SLC38A9: variants seen among roughly 807,000 people sequenced by gnomAD.
SLC38A9 encodes the protein neutral amino acid transporter 9.
A neutral mutation model predicts 62.3 loss-of-function variants in SLC38A9; 48 were observed. The ratio of observed to expected loss-of-function variants is 0.77; its 90% CI spans 0.61 to 0.98. The LOEUF (loss-of-function observed/expected upper bound fraction) is 0.98, where lower values mean the gene tolerates loss of function less well. Ranked by LOEUF, SLC38A9 falls within the 50% of genes least tolerant of loss-of-function variation. The pLI, the probability that SLC38A9 is intolerant of heterozygous loss-of-function variation, is 0.00. For synonymous variants in SLC38A9, 204 were observed against 227.7 expected (o/e 0.90, Z 0.94); for missense variants, 541 against 679.8 (o/e 0.80, Z 2.27).
intron 3 of SLC38A9, 82 bp downstream of exon 3, chr5:55,697,764 C>A: frequency 1.6e-6 from 1 of 629,066 alleles, no homozygotes; most frequent in East Asian, 3.2e-5. Context: ...ATAATCAAAT[C>A]TATACATGTT....
rs765360292 is a variant in SLC38A9, at chr5:55,626,488, G to A, written c.*6C>T. 2 of 1,606,556 alleles carry A rather than the reference G, an allele frequency of 1.2e-6. No homozygotes were observed. Among genetic ancestry groups the A allele is most frequent in the Non-Finnish European group, 1.7e-6 (2 of 1,176,220 alleles). On this transcript the variant is annotated 3_prime_UTR_variant, in exon 16 of 16. Coordinates refer to ENST00000396865, the MANE Select transcript of SLC38A9 (RefSeq NM_173514.4). ...GAGAGCTCTTGAAAAAAACAGTTGA[G>A]GTATTTCACATAAAAAACTGAACAA...
At chr5:55,698,454 T>C (rs1410919022) in intron 2 of SLC38A9, among the ~76,000 whole-genome samples, 2 of 152,148 alleles carry the variant, frequency 1.3e-5, no homozygotes, top group African/African-American at 4.8e-5. Flanking sequence ...TGTGTAGTAT[T>C]TGGGAAACAG....
chr5:55,672,678 G>C lies in SLC38A9; in HGVS notation c.131C>G (p.Pro44Arg), dbSNP rs1751511006. The change falls in exon 4 of 16, where the codon CCC becomes CGC. Residue 44 changes from proline to arginine, a missense_variant. Pro to Arg is a moderately radical substitution (Grantham distance 103). Coordinates refer to ENST00000396865, the MANE Select transcript of SLC38A9 (RefSeq NM_173514.4). ...LRSKRPFCIE[P>R]TNIVNVNHVI... is the part of the protein sequence containing the mutation. ...ATGATTCACATTCACGATGTTTGTG[G>C]GCTCTATACAGAAAGGCCTACAAAG... 1 of 1,613,876 alleles carries C rather than the reference G, an allele frequency of 6.2e-7. No individual in the cohort carries two copies. The highest frequency in any genetic ancestry group is 1.3e-5 in the African/African-American group (1 of 75,014).
intron 2 of SLC38A9, among the ~76,000 whole-genome samples, chr5:55,710,508 C>T (rs1052109000): frequency 3.3e-5 from 5 of 152,314 alleles, no homozygotes; most frequent in Non-Finnish European, 5.9e-5. Flanking sequence ...CGCAATCCGC[C>T]GAACCTTCTA....
chr5:55,653,279 C>G (rs895033689), intron 9 of SLC38A9, among the ~76,000 whole-genome samples: 4 of 152,126 alleles, frequency 2.6e-5, no homozygotes, highest in African/African-American at 9.7e-5. Context: ...GAGATATTAT[C>G]TTTAAACTCT....
At chr5:55,671,474 T>C (rs920095541) in intron 4 of SLC38A9, among the ~76,000 whole-genome samples, 5 of 151,562 alleles carry the variant, frequency 3.3e-5, no homozygotes, top group African/African-American at 1.2e-4. Context: ...ACTACTATAT[T>C]TATGTGTACA....
chr5:55,707,121 A>G (rs1757392837), intron 2 of SLC38A9, among the ~76,000 whole-genome samples: 1 of 151,762 alleles, frequency 6.6e-6, no homozygotes, highest in African/African-American at 2.4e-5. Flanking sequence ...GGCCTCAAGT[A>G]ATCTTCTTGC....
chr5:55,687,139 T>A (rs1364235166), intron 3 of SLC38A9, among the ~76,000 whole-genome samples: 1 of 151,522 alleles, frequency 6.6e-6, no homozygotes, highest in Non-Finnish European at 1.5e-5. Flanking sequence ...TCCATATGTA[T>A]TTTTAAAAGT....
chr5:55,648,045 G>C (rs1389581389), intron 11 of SLC38A9, among the ~76,000 whole-genome samples: 1 of 152,056 alleles, frequency 6.6e-6, no homozygotes, highest in Non-Finnish European at 1.5e-5. Context: ...TTTGAGACCA[G>C]CCTGGCCAAC....
At position 55,652,525 on chromosome 5, in the gene SLC38A9, T is replaced by C. The variant is rs774765112; in HGVS notation, c.952+4A>G. 1 of 1,580,654 alleles carries C rather than the reference T, an allele frequency of 6.3e-7. No individual in the cohort carries two copies. On this transcript the variant is annotated splice_donor_region_variant and intron_variant, in intron 10 of 15. Transcript: ENST00000396865. Reference sequence around the variant, plus strand: ...AGTCTCCATAATTCAGTGCTACTACTTACCTAGGATATTAAATTTTGAAAA... The same window carrying C: ...AGTCTCCATAATTCAGTGCTACTACCTACCTAGGATATTAAATTTTGAAAA...
At chr5:55,660,269 G>T (rs1749285023) in intron 8 of SLC38A9, among the ~76,000 whole-genome samples, 1 of 151,830 alleles carries the variant, frequency 6.6e-6, no homozygotes, top group South Asian at 2.1e-4. Context: ...AATTAGCCGG[G>T]CATGGTGGTG....
At position 55,649,260 on chromosome 5, in the gene SLC38A9, A is replaced by G. The variant is rs779101583; in HGVS notation, c.1007T>C (p.Leu336Ser). ...IFLVTFKAVRLGFHLEFHWFI... is the reference protein window; with the variant it reads ...IFLVTFKAVRSGFHLEFHWFI... ...CCAATGAAATTCCAAATGAAATCCC[A>G]AGCGAACAGCCTTAAAGGTGACAAG... The change falls in exon 11 of 16, where the codon TTG becomes TCG. Residue 336 changes from leucine (L) to serine (S), a missense_variant. Coordinates refer to ENST00000396865, the MANE Select transcript of SLC38A9 (RefSeq NM_173514.4). 8.7e-6 allele frequency: 14 copies of G among 1,609,932 alleles called. No individual in the cohort carries two copies. The highest frequency in any genetic ancestry group is 1.1e-5 in the Non-Finnish European group (13 of 1,178,438).
chr5:55,683,293 G>A (rs1753296467), intron 3 of SLC38A9, among the ~76,000 whole-genome samples: 1 of 152,164 alleles, frequency 6.6e-6, no homozygotes, highest in Admixed American at 6.5e-5. Flanking sequence ...CACGATCATA[G>A]TGCACTGTGG....
chr5:55,675,138 A>G (rs1751901504), intron 3 of SLC38A9: 1 of 152,330 alleles, frequency 6.6e-6, no homozygotes, highest in African/African-American at 2.4e-5. Context: ...TAAAAATTCA[A>G]TATTATTGGT....
chr5:55,635,540 T>C lies in SLC38A9; in HGVS notation c.1281+4A>G, dbSNP rs781352452. 10 of 1,599,420 alleles carry C rather than the reference T, an allele frequency of 6.3e-6. No homozygotes were observed. The Admixed American group carries it at 1.7e-4, about 27-fold the overall frequency. ...TCACACAGAGAGGGTACACGGTGCCTTACCTGCTCAATACAATCTTTGGAT... is the reference window on the plus strand; with the variant it reads ...TCACACAGAGAGGGTACACGGTGCCCTACCTGCTCAATACAATCTTTGGAT... On this transcript the variant is annotated splice_donor_region_variant and intron_variant, in intron 13 of 15. Transcript: ENST00000396865.
At chr5:55,645,554 A>T (rs542057099) in intron 12 of SLC38A9, among the ~76,000 whole-genome samples, 20 of 152,246 alleles carry the variant, frequency 1.3e-4, no homozygotes, top group Non-Finnish European at 2.9e-4. Context: ...TCATAACATA[A>T]CAGCACAGTT....
At chr5:55,639,983 C>CTTTTTTTT (rs36073153) in intron 12 of SLC38A9, among the ~76,000 whole-genome samples, 1 of 98,464 alleles carries the variant, frequency 1.0e-5, no homozygotes, top group Non-Finnish European at 1.9e-5. Context: ...TAAACCTTTG[C>CTTTTTTTT]TTTTTTTTTT....
intron 12 of SLC38A9, among the ~76,000 whole-genome samples, chr5:55,638,406 C>A (rs1350991943): frequency 1.3e-5 from 2 of 152,102 alleles, no homozygotes; most frequent in Non-Finnish European, 2.9e-5. Flanking sequence ...AAAAGAGACA[C>A]AAGCGACAAT....
At chr5:55,681,822 C>G (rs969307879) in intron 3 of SLC38A9, among the ~76,000 whole-genome samples, 1 of 152,142 alleles carries the variant, frequency 6.6e-6, no homozygotes, top group Non-Finnish European at 1.5e-5. Flanking sequence ...AATCCAAGCC[C>G]ATGTCCTGTT....
Sources: gnomAD v4.1 joint callset for allele counts (sites outside exome capture counted in the v4.1 genomes callset) on GRCh38, gnomAD v4.1.1 for gene constraint, MANE v1.5 for transcripts, NCBI Gene and HGNC (gene_info 2026-07-23, HGNC 2026-07-21) for gene names.